PLEK2: variants seen among roughly 807,000 people sequenced by gnomAD.
PLEK2 encodes the protein pleckstrin-2.
A neutral mutation model predicts 43.8 loss-of-function variants in PLEK2; 29 were observed. That is an observed-to-expected ratio of 0.66 (90% confidence interval 0.49 to 0.90). PLEK2 has a LOEUF of 0.90. Among genes scored for constraint, PLEK2 ranks in the 40% least tolerant of loss-of-function variants. PLEK2 has a pLI of 0.00. For synonymous variants in PLEK2, 162 were observed against 173.2 expected (o/e 0.94, Z 0.51); for missense variants, 398 against 448.1 (o/e 0.89, Z 1.01).
intron 7 of PLEK2, 98 bp downstream of exon 7, chr14:67,390,565 G>T: frequency 2.4e-6 from 2 of 843,852 alleles, no homozygotes; most frequent in Non-Finnish European, 4.1e-6. Context: ...GGTGCCAGGG[G>T]AAGGCAGGAT....
intron 6 of PLEK2, 138 bp downstream of exon 6, chr14:67,392,188 C>T (rs1490304951): frequency 2.7e-5 from 18 of 663,420 alleles, no homozygotes; most frequent in Admixed American, 2.0e-4. Context: ...GAGGCTGGTG[C>T]TGGGCTCTTG....
chr14:67,399,199 T>C (rs1056678501), intron 1 of PLEK2, among the ~76,000 whole-genome samples: 31 of 150,310 alleles, frequency 2.1e-4, no homozygotes, highest in African/African-American at 6.4e-4. Flanking sequence ...GTTTAGGTGG[T>C]TCTCAGGTGG....
chr14:67,412,077 A>G lies in PLEK2; in HGVS notation c.-18T>C, dbSNP rs1306094779. 4.6e-6 allele frequency: 7 copies of G among 1,532,852 alleles called. No individual in the cohort carries two copies. Among genetic ancestry groups the G allele is most frequent in the African/African-American group, 2.9e-5 (2 of 69,748 alleles). 95.0% of individuals were successfully genotyped at this position (1,532,852 alleles called of 1,614,324 possible). A position where few individuals can be genotyped will look rare whatever the true frequency, so the allele number is the denominator to read the frequency against. ...TCCTCCATGTCGCCGCCCGCACGCCAGGGCCACCCCAGGTGCGCCTTCCCC... is the reference window on the plus strand; with the variant it reads ...TCCTCCATGTCGCCGCCCGCACGCCGGGGCCACCCCAGGTGCGCCTTCCCC... On this transcript the variant is annotated 5_prime_UTR_variant, in exon 1 of 9. Transcript: ENST00000216446.
At chr14:67,397,131 G>T (rs940279438) in intron 2 of PLEK2, among the ~76,000 whole-genome samples, 2 of 152,098 alleles carry the variant, frequency 1.3e-5, no homozygotes, top group Non-Finnish European at 2.9e-5. Flanking sequence ...TAGAGATGGG[G>T]TTTCACCATG....
intron 1 of PLEK2, among the ~76,000 whole-genome samples, chr14:67,402,909 T>A (rs2139882753): frequency 6.6e-6 from 1 of 152,364 alleles, no homozygotes; most frequent in East Asian, 1.9e-4. Context: ...TTCAATATAT[T>A]GATTTCCTTT....
At chr14:67,402,330 T>G (rs996779994) in intron 1 of PLEK2, among the ~76,000 whole-genome samples, 2 of 152,198 alleles carry the variant, frequency 1.3e-5, no homozygotes, top group Admixed American at 6.5e-5. Context: ...ATGGGGTACA[T>G]GAGCTATTTT....
At chr14:67,396,443 T>C (rs975502332) in intron 2 of PLEK2, among the ~76,000 whole-genome samples, 2 of 151,744 alleles carry the variant, frequency 1.3e-5, no homozygotes, top group African/African-American at 4.9e-5. Flanking sequence ...CCAATGCGCC[T>C]GGCCTCTAAG....
intron 5 of PLEK2, 67 bp from the exon 6 acceptor site, chr14:67,392,494 C>T (rs2085976816): frequency 7.4e-7 from 1 of 1,354,300 alleles, no homozygotes; most frequent in African/African-American, 1.4e-5. Context: ...TGGCGGCTGT[C>T]AGAGGGGAAA....
chr14:67,390,857 C>T, intron 6 of PLEK2, 111 bp from the exon 7 acceptor site: 1 of 801,700 alleles, frequency 1.2e-6, no homozygotes, highest in Non-Finnish European at 2.3e-6. Flanking sequence ...TCCAATGGGA[C>T]TACATTCTAA....
chr14:67,406,396 C>A (rs1482703028), intron 1 of PLEK2, among the ~76,000 whole-genome samples: 1 of 152,016 alleles, frequency 6.6e-6, no homozygotes, highest in East Asian at 1.9e-4. Flanking sequence ...AGGAGTGATA[C>A]TGGGGCTCAG....
At chr14:67,401,011 T>C (rs2086044442) in intron 1 of PLEK2, among the ~76,000 whole-genome samples, 1 of 151,532 alleles carries the variant, frequency 6.6e-6, no homozygotes, top group Non-Finnish European at 1.5e-5. Context: ...ATAATAATAA[T>C]AATAATAGTA....
chr14:67,399,309 A>C lies in PLEK2; in HGVS notation c.43-1483T>G, dbSNP rs112435894. ...AGGTGGCAGGAATAAAGAGAAGGGT[A>C]GTTTAGGTGGCTGTCAGGTGGCAGG... is the stretch of plus-strand genomic sequence containing the variant. On this transcript the variant is annotated intron_variant, in intron 1 of 8. Coordinates refer to ENST00000216446, the MANE Select transcript of PLEK2 (RefSeq NM_016445.3). 5.5e-5 allele frequency among the ~76,000 whole-genome samples: 8 copies of C among 146,782 alleles called. No homozygotes were observed. In the South Asian group the frequency reaches 1.6e-3, roughly 29 times the overall value.
intron 1 of PLEK2, among the ~76,000 whole-genome samples, chr14:67,403,945 C>T (rs780410304): frequency 1.3e-5 from 2 of 152,082 alleles, no homozygotes; most frequent in African/African-American, 4.8e-5. Flanking sequence ...TCAGCCAACT[C>T]AAGAGGCTGA....
At chr14:67,401,109 TAC>T (rs765523216) in intron 1 of PLEK2, among the ~76,000 whole-genome samples, 5 of 152,128 alleles carry the variant, frequency 3.3e-5, no homozygotes, top group Non-Finnish European at 7.3e-5. Flanking sequence ...TATTTGGAGA[TAC>T]ATCCCCTTTA....
At chr14:67,406,670 G>C (rs562749520) in intron 1 of PLEK2, among the ~76,000 whole-genome samples, 1 of 152,322 alleles carries the variant, frequency 6.6e-6, no homozygotes, top group South Asian at 2.1e-4. Context: ...CAGCAGAACA[G>C]AATAGCCAAA....
chr14:67,405,131 G>C (rs1348461033), intron 1 of PLEK2, among the ~76,000 whole-genome samples: 1 of 150,968 alleles, frequency 6.6e-6, no homozygotes, highest in Non-Finnish European at 1.5e-5. Flanking sequence ...TACTCAGGAG[G>C]CTGAGGCAGG....
chr14:67,391,390 TC>T (rs138499903), intron 6 of PLEK2, among the ~76,000 whole-genome samples: 1,539 of 150,494 alleles, frequency 0.01, 15 homozygotes, highest in Non-Finnish European at 0.018. Flanking sequence ...TCAGAGTCCC[TC>T]CCACACCCTC....
intron 7 of PLEK2, among the ~76,000 whole-genome samples, chr14:67,388,992 C>T (rs1265833884): frequency 2.0e-5 from 3 of 151,842 alleles, no homozygotes; most frequent in African/African-American, 7.3e-5. Flanking sequence ...GTAATCATTT[C>T]TGCAAAGTTG....
intron 1 of PLEK2, among the ~76,000 whole-genome samples, chr14:67,406,538 G>A (rs980910750): frequency 2.0e-5 from 3 of 152,128 alleles, no homozygotes; most frequent in Admixed American, 6.5e-5. Context: ...TGGGGACCAA[G>A]GTGGCAAGGG....
Sources: gnomAD v4.1 joint callset for allele counts (sites outside exome capture counted in the v4.1 genomes callset) on GRCh38, gnomAD v4.1.1 for gene constraint, MANE v1.5 for transcripts, NCBI Gene and HGNC (gene_info 2026-07-23, HGNC 2026-07-21) for gene names.